Variants in SGCZ observed in about 807,000 individuals in gnomAD.
SGCZ encodes zeta-sarcoglycan.
A neutral mutation model predicts 41.3 loss-of-function variants in SGCZ; 40 were observed. That is an observed-to-expected ratio of 0.97 (90% CI 0.75 to 1.26). SGCZ has a LOEUF of 1.26. Among genes scored for constraint, SGCZ ranks in the 50% most tolerant of loss-of-function variants. The probability of loss-of-function intolerance (pLI) is 0.00; values close to 1 mark genes in which losing one functional copy is unlikely to be tolerated. For synonymous variants in SGCZ, 206 were observed against 137.5 expected (o/e 1.50, Z -3.49); for missense variants, 552 against 369.8 (o/e 1.49, Z -4.04).
chr8:14,754,265 G>A lies in SGCZ; in HGVS notation c.40-199339C>T, dbSNP rs527774901. 3.3e-5 allele frequency among the ~76,000 whole-genome samples: 5 copies of A among 152,140 alleles called. No homozygotes were observed. In the East Asian group the frequency reaches 7.8e-4, roughly 24 times the overall value. On this transcript the variant is annotated intron_variant, in intron 1 of 7. Transcript: ENST00000382080. The stretch of plus-strand genomic sequence containing the variant: ...CCCTCATGTTCTACTATTTGAAACC[G>A]TAGGCCTCAAAGAAGACTACAAAGA...
chr8:14,355,609 C>T lies in SGCZ; in HGVS notation c.235-31405G>A, dbSNP rs142619229. The stretch of plus-strand genomic sequence containing the variant: ...ACAGAGTTAATTAAAACAATAAAAA[C>T]GAGATAAATCAAAGATCTTTGGAAA... On this transcript the variant is annotated intron_variant, in intron 2 of 7. Transcript: ENST00000382080. Among the ~76,000 whole-genome samples, 682 of 151,694 alleles carry T rather than the reference C, an allele frequency of 4.5e-3. 8 individuals are homozygous for T. Among genetic ancestry groups the T allele is most frequent in the African/African-American group, 0.015 (611 of 41,360 alleles).
intron 2 of SGCZ, among the ~76,000 whole-genome samples, chr8:14,404,126 A>T (rs1799149538): frequency 6.6e-6 from 1 of 152,176 alleles, no homozygotes; most frequent in Non-Finnish European, 1.5e-5. Flanking sequence ...GTGGAGATGC[A>T]TTATCTTCAG....
At chr8:15,080,539 A>G (rs1805703282) in intron 1 of SGCZ, among the ~76,000 whole-genome samples, 2 of 152,078 alleles carry the variant, frequency 1.3e-5, no homozygotes, top group South Asian at 4.1e-4. Context: ...GCCTTTAAAG[A>G]GGTAATTAAA....
At chr8:15,236,295 G>C (rs1252623709) in intron 1 of SGCZ, among the ~76,000 whole-genome samples, 1 of 152,168 alleles carries the variant, frequency 6.6e-6, no homozygotes, top group Non-Finnish European at 1.5e-5. Context: ...GGGCTCCTGC[G>C]TGCCCCCTGG....
intron 2 of SGCZ, among the ~76,000 whole-genome samples, chr8:14,448,856 G>A (rs1472946884): frequency 6.6e-6 from 1 of 152,108 alleles, no homozygotes; most frequent in African/African-American, 2.4e-5. Context: ...TATCTACACT[G>A]ACATAGCTGG....
chr8:14,718,013 A>AT (rs1554487156), intron 1 of SGCZ, among the ~76,000 whole-genome samples: 1 of 150,872 alleles, frequency 6.6e-6, no homozygotes. Flanking sequence ...ATATATATGT[A>AT]ATATGGCTCT....
At chr8:14,415,733 T>G (rs1799475202) in intron 2 of SGCZ, among the ~76,000 whole-genome samples, 1 of 151,868 alleles carries the variant, frequency 6.6e-6, no homozygotes. Context: ...GAACATATCT[T>G]GAAAGTTCAA....
At chr8:14,965,029 T>C (rs1043617739) in intron 1 of SGCZ, among the ~76,000 whole-genome samples, 1 of 151,954 alleles carries the variant, frequency 6.6e-6, no homozygotes, top group Non-Finnish European at 1.5e-5. Context: ...CTCATTTGTG[T>C]CCCCCATTCC....
chr8:14,271,647 T>G (rs1308215318), intron 3 of SGCZ, among the ~76,000 whole-genome samples: 2 of 152,174 alleles, frequency 1.3e-5, no homozygotes, highest in Admixed American at 1.3e-4. Context: ...AAAGATTTTT[T>G]TCCTGGTTTT....
chr8:14,284,975 A>G (rs1314746362), intron 3 of SGCZ, among the ~76,000 whole-genome samples: 1 of 152,152 alleles, frequency 6.6e-6, no homozygotes, highest in Non-Finnish European at 1.5e-5. Context: ...ATAAAAGTCT[A>G]TGAAAGGTGC....
chr8:15,005,430 C>T (rs945054460), intron 1 of SGCZ, among the ~76,000 whole-genome samples: 1 of 146,002 alleles, frequency 6.8e-6, no homozygotes, highest in Non-Finnish European at 1.5e-5. Flanking sequence ...CTCCTGGGTT[C>T]GAGCGATTCT....
chr8:14,897,147 G>T (rs935333464), intron 1 of SGCZ, among the ~76,000 whole-genome samples: 7 of 152,030 alleles, frequency 4.6e-5, no homozygotes, highest in African/African-American at 1.7e-4. Context: ...ATAATTATTA[G>T]CTTGATAGTG....
intron 1 of SGCZ, among the ~76,000 whole-genome samples, chr8:15,126,367 T>G (rs565448350): frequency 2.0e-5 from 3 of 152,180 alleles, no homozygotes. Context: ...CGTTATTCCA[T>G]AGAAAAAGAT....
At chr8:14,414,984 T>A (rs1799456669) in intron 2 of SGCZ, among the ~76,000 whole-genome samples, 1 of 151,938 alleles carries the variant, frequency 6.6e-6, no homozygotes, top group African/African-American at 2.4e-5. Flanking sequence ...TTAGTTCATT[T>A]AATAATATTT....
chr8:14,195,026 T>C (rs1041453678), intron 4 of SGCZ, among the ~76,000 whole-genome samples: 1 of 152,124 alleles, frequency 6.6e-6, no homozygotes, highest in African/African-American at 2.4e-5. Context: ...AACCCTAATA[T>C]ACCTAGCACC....
chr8:14,269,274 A>G (rs1186965970), intron 3 of SGCZ, among the ~76,000 whole-genome samples: 1 of 152,206 alleles, frequency 6.6e-6, no homozygotes, highest in African/African-American at 2.4e-5. Context: ...ATGTTAATTC[A>G]TTAAATAATT....
At chr8:15,178,348 C>T (rs543785121) in intron 1 of SGCZ, among the ~76,000 whole-genome samples, 58 of 152,038 alleles carry the variant, frequency 3.8e-4, no homozygotes, top group African/African-American at 6.8e-4. Context: ...GACATTGTAG[C>T]GCAGAGATCT....
chr8:14,840,259 C>A (rs1466849931), intron 1 of SGCZ, among the ~76,000 whole-genome samples: 1 of 151,996 alleles, frequency 6.6e-6, no homozygotes, highest in Non-Finnish European at 1.5e-5. Flanking sequence ...TCCTTGCCAC[C>A]TATTATATTG....
intron 3 of SGCZ, among the ~76,000 whole-genome samples, chr8:14,264,990 A>C (rs2117245681): frequency 6.6e-6 from 1 of 152,194 alleles, no homozygotes; most frequent in East Asian, 1.9e-4. Context: ...CAAAAACACA[A>C]AAAAACAAAA....
Sources: allele counts gnomAD v4.1 joint callset (sites outside exome capture counted in the v4.1 genomes callset), GRCh38; gene constraint gnomAD v4.1.1; transcripts MANE v1.5; gene names NCBI Gene and HGNC (gene_info 2026-07-23, HGNC 2026-07-21).